Variants in BCL2 observed in about 807,000 individuals in gnomAD.
BCL2 encodes the protein apoptosis regulator Bcl-2.
BCL2 carries 1 observed loss-of-function variant against 14.2 expected under a neutral mutation model. The observed-to-expected ratio is 0.07, with a 90% CI of 0.02 to 0.33. BCL2 has a LOEUF of 0.33. Among genes scored for constraint, BCL2 ranks in the 10% least tolerant of loss-of-function variants. The probability of loss-of-function intolerance (pLI) is 0.99; values close to 1 mark genes in which losing one functional copy is unlikely to be tolerated. For missense variants in BCL2, 247 were observed against 305.9 expected, an observed-to-expected ratio of 0.81 and a Z score of 1.44; for synonymous variants, 151 against 137.2, an observed-to-expected ratio of 1.10 and a Z score of -0.70.
intron 2 of BCL2, among the ~76,000 whole-genome samples, chr18:63,292,342 AT>A (rs1166196982): frequency 6.6e-6 from 1 of 152,182 alleles, no homozygotes; most frequent in Admixed American, 6.5e-5. Context: ...TCCCAGAATA[AT>A]GATTAATAAC....
intron 2 of BCL2, among the ~76,000 whole-genome samples, chr18:63,293,077 C>T (rs4987719): frequency 0.021 from 3,264 of 152,238 alleles, 54 homozygotes; most frequent in Middle Eastern, 0.044. Flanking sequence ...TGCACCAAGA[C>T]GACCTCACCC....
At chr18:63,198,882 CAGACACAG>C (rs1909579915) in intron 2 of BCL2, among the ~76,000 whole-genome samples, 2 of 151,662 alleles carry the variant, frequency 1.3e-5, no homozygotes, top group Non-Finnish European at 1.5e-5. Flanking sequence ...CAGTGACACA[CAGACACAG>C]AGACACACAC....
intron 2 of BCL2, among the ~76,000 whole-genome samples, chr18:63,199,657 A>G (rs1199305240): frequency 2.6e-5 from 4 of 152,002 alleles, no homozygotes; most frequent in Non-Finnish European, 5.9e-5. Context: ...ACGCAGACAC[A>G]TGTACACAGA....
chr18:63,175,594 A>G (rs1198774027), intron 2 of BCL2, among the ~76,000 whole-genome samples: 1 of 152,208 alleles, frequency 6.6e-6, no homozygotes. Context: ...GTGAAAATTC[A>G]GGCTTCAGGA....
chr18:63,220,383 T>C (rs1027090276), intron 2 of BCL2, among the ~76,000 whole-genome samples: 12 of 152,224 alleles, frequency 7.9e-5, no homozygotes, highest in African/African-American at 2.7e-4. Context: ...TGAAAAATTT[T>C]ACAACCACTG....
At chr18:63,251,753 C>T (rs1911325676) in intron 2 of BCL2, among the ~76,000 whole-genome samples, 1 of 150,214 alleles carries the variant, frequency 6.7e-6, no homozygotes, top group Admixed American at 6.6e-5. Context: ...GGCTGGAGTG[C>T]AATGGCGTGA....
intron 2 of BCL2, among the ~76,000 whole-genome samples, chr18:63,162,232 A>G (rs1914937864): frequency 6.6e-6 from 1 of 152,228 alleles, no homozygotes; most frequent in Non-Finnish European, 1.5e-5. Context: ...AGAAAACTCC[A>G]CAAAAATTGA....
intron 2 of BCL2, among the ~76,000 whole-genome samples, chr18:63,240,467 A>G (rs1179482525): frequency 2.0e-5 from 3 of 152,242 alleles, no homozygotes; most frequent in African/African-American, 7.2e-5. Flanking sequence ...AAAATTTTCT[A>G]TAAATATGAT....
intron 2 of BCL2, among the ~76,000 whole-genome samples, chr18:63,163,407 G>T (rs1168541720): frequency 6.6e-6 from 1 of 152,114 alleles, no homozygotes; most frequent in African/African-American, 2.4e-5. Context: ...AAGTTCTTTT[G>T]GGAGGGGTAT....
intron 2 of BCL2, among the ~76,000 whole-genome samples, chr18:63,155,932 G>A (rs1914769457): frequency 6.6e-6 from 1 of 152,126 alleles, no homozygotes; most frequent in Admixed American, 6.5e-5. Flanking sequence ...CGCCTCCCCA[G>A]CCAGTGTGGG....
At chr18:63,191,492 T>G (rs574538776) in intron 2 of BCL2, among the ~76,000 whole-genome samples, 1 of 152,342 alleles carries the variant, frequency 6.6e-6, no homozygotes, top group East Asian at 1.9e-4. Context: ...GAGATTCCAG[T>G]ATATTCAAAA....
At chr18:63,196,623 C>T (rs188715342) in intron 2 of BCL2, among the ~76,000 whole-genome samples, 4 of 152,066 alleles carry the variant, frequency 2.6e-5, no homozygotes, top group East Asian at 1.9e-4. Flanking sequence ...GAGAGCTGAA[C>T]GCTGCATGCT....
At chr18:63,145,599 A>T (rs1914492005) in intron 2 of BCL2, among the ~76,000 whole-genome samples, 2 of 152,248 alleles carry the variant, frequency 1.3e-5, no homozygotes, top group Admixed American at 1.3e-4. Context: ...GTTTTACAAG[A>T]ACCTAGCTCT....
intron 2 of BCL2, among the ~76,000 whole-genome samples, chr18:63,167,499 G>C (rs1389761606): frequency 6.6e-6 from 1 of 152,166 alleles, no homozygotes; most frequent in African/African-American, 2.4e-5. Flanking sequence ...TAGGACTGGG[G>C]CCAGGTGTGA....
chr18:63,213,937 G>T (rs777291817), intron 2 of BCL2, among the ~76,000 whole-genome samples: 1 of 152,130 alleles, frequency 6.6e-6, no homozygotes, highest in Non-Finnish European at 1.5e-5. Context: ...ATTAAGAGGG[G>T]GCTGGGAGAA....
chr18:63,134,562 G>A (rs1169544246), intron 2 of BCL2, among the ~76,000 whole-genome samples: 1 of 152,170 alleles, frequency 6.6e-6, no homozygotes, highest in Non-Finnish European at 1.5e-5. Flanking sequence ...AATTTAATAT[G>A]GCTTGGCTGG....
intron 2 of BCL2, among the ~76,000 whole-genome samples, chr18:63,304,449 C>A (rs1449257623): frequency 1.3e-5 from 2 of 152,054 alleles, no homozygotes; most frequent in African/African-American, 4.8e-5. Flanking sequence ...AAAAGAGGAG[C>A]CCAGTGTTAT....
chr18:63,153,922 C>G (rs1406590543), intron 2 of BCL2, among the ~76,000 whole-genome samples: 3 of 152,192 alleles, frequency 2.0e-5, no homozygotes, highest in Non-Finnish European at 4.4e-5. Context: ...TTGGGACATT[C>G]ATGAAGTCTT....
chr18:63,125,600 T>A lies in BCL2; in HGVS notation c.*3025A>T, dbSNP rs977882798. On this transcript the variant is annotated 3_prime_UTR_variant, in exon 3 of 3. Transcript: ENST00000333681. ...TTTCATTCATAAAGAGCAGTTAAGA[T>A]GCAGATGTGAATCCCTCTTCAATAC... 5 of 213,402 alleles carry A rather than the reference T, an allele frequency of 2.3e-5. No homozygotes were observed. Among genetic ancestry groups the A allele is most frequent in the Non-Finnish European group, 4.7e-5 (5 of 105,494 alleles). The allele number at this position is 213,402 out of a possible 1,614,324, so 13.2% of individuals were successfully genotyped here. A position where few individuals can be genotyped will look rare whatever the true frequency, so the allele number is the denominator to read the frequency against.
Sources: gnomAD v4.1 joint callset for allele counts (sites outside exome capture counted in the v4.1 genomes callset) on GRCh38, gnomAD v4.1.1 for gene constraint, MANE v1.5 for transcripts, NCBI Gene and HGNC (gene_info 2026-07-23, HGNC 2026-07-21) for gene names.